Variants in NME8 observed in about 807,000 individuals in gnomAD.
NME8 encodes the protein protein NME8.
In NME8, 72 loss-of-function variants were observed where a neutral mutation model predicts 82.3. The observed-to-expected ratio is 0.87, with a 90% CI of 0.72 to 1.06. NME8 has a LOEUF of 1.06. Ranked by LOEUF, NME8 falls within the 50% of genes least tolerant of loss-of-function variation. The pLI is 0.00. For synonymous variants in NME8, 267 were observed against 228.5 expected (o/e 1.17, Z -1.52); for missense variants, 712 against 685.4 (o/e 1.04, Z -0.43).
rs866906346 is a variant in NME8, at chr7:37,867,868, C to T, written c.788C>T (p.Thr263Ile). 4 of 1,613,714 alleles carry T rather than the reference C, an allele frequency of 2.5e-6. No individual in the cohort carries two copies. The highest frequency in any genetic ancestry group is 1.3e-5 in the African/African-American group (1 of 75,020). ...CAACCTGAGGTCGAAGCCCAGGTTA[C>T]ACCTGGAATGATGAAGAACAAACAA... ...EDQPEVEAQV[T>I]PGMMKNKQDS... The change falls in exon 11 of 18, where the codon ACA becomes ATA. Residue 263 changes from threonine (T) to isoleucine (I), a missense_variant. Transcript: ENST00000199447.
chr7:37,865,136 A>G (rs1010992752), intron 9 of NME8, among the ~76,000 whole-genome samples: 5 of 152,210 alleles, frequency 3.3e-5, no homozygotes, highest in African/African-American at 4.8e-5. Context: ...TCATTTCAGC[A>G]TTAACTCAAA....
At chr7:37,864,622 T>G (rs958508197) in intron 9 of NME8, among the ~76,000 whole-genome samples, 1 of 152,158 alleles carries the variant, frequency 6.6e-6, no homozygotes, top group Admixed American at 6.6e-5. Flanking sequence ...GATCCTACTC[T>G]ACCAGCATCC....
intron 15 of NME8, among the ~76,000 whole-genome samples, chr7:37,890,066 TG>T (rs1173889048): frequency 6.6e-6 from 1 of 152,060 alleles, no homozygotes; most frequent in African/African-American, 2.4e-5. Context: ...TTTAATGCCT[TG>T]GGGCCTGAAT....
At chr7:37,887,841 G>A (rs1226381899) in intron 14 of NME8, among the ~76,000 whole-genome samples, 3 of 152,156 alleles carry the variant, frequency 2.0e-5, no homozygotes, top group South Asian at 4.1e-4. Flanking sequence ...GTAATACCAG[G>A]TGCTTGTAAA....
At chr7:37,884,241 T>G in intron 12 of NME8, 62 bp from the exon 13 acceptor site, 1 of 1,130,198 alleles carries the variant, frequency 8.8e-7, no homozygotes. Context: ...GTATATTATG[T>G]ATTGTGTACA....
At chr7:37,865,380 C>CA (rs1670722914) in intron 9 of NME8, 145 bp from the exon 10 acceptor site, 1 of 659,522 alleles carries the variant, frequency 1.5e-6, no homozygotes, top group African/African-American at 1.8e-5. Flanking sequence ...TGAGCCACTT[C>CA]AAACCAAGTG....
chr7:37,879,181 C>T (rs1283232580), intron 12 of NME8, among the ~76,000 whole-genome samples: 1 of 151,870 alleles, frequency 6.6e-6, no homozygotes, highest in Non-Finnish European at 1.5e-5. Flanking sequence ...TGGAGTCTTG[C>T]TCTGTCACCC....
intron 11 of NME8, among the ~76,000 whole-genome samples, chr7:37,873,911 T>C (rs1175218202): frequency 6.6e-6 from 1 of 152,192 alleles, no homozygotes; most frequent in African/African-American, 2.4e-5. Flanking sequence ...GTGGATCCCT[T>C]CCACCAACTG....
At chr7:37,875,255 A>G (rs1211840777) in intron 11 of NME8, among the ~76,000 whole-genome samples, 2 of 152,218 alleles carry the variant, frequency 1.3e-5, no homozygotes, top group African/African-American at 2.4e-5. Flanking sequence ...AAAAATTACT[A>G]CAGATAAGAT....
At chr7:37,879,283 T>G (rs1839586) in intron 12 of NME8, among the ~76,000 whole-genome samples, 71,896 of 151,870 alleles carry the variant, frequency 0.47, 17,382 homozygotes, top group East Asian at 0.74. Flanking sequence ...CAAGTAGCTG[T>G]GATTACAGGT....
intron 17 of NME8, among the ~76,000 whole-genome samples, chr7:37,899,348 G>T (rs187946237): frequency 1.8e-4 from 27 of 152,330 alleles, no homozygotes; most frequent in Non-Finnish European, 1.3e-4. Context: ...ATACTATGCA[G>T]CCATAAAAGG....
At chr7:37,853,690 G>T (rs965383215) in intron 5 of NME8, among the ~76,000 whole-genome samples, 3 of 152,012 alleles carry the variant, frequency 2.0e-5, no homozygotes, top group Non-Finnish European at 2.9e-5. Context: ...AGCAATGGAG[G>T]GATGCCCTCT....
intron 5 of NME8, among the ~76,000 whole-genome samples, chr7:37,851,684 T>C (rs1167735299): frequency 6.6e-6 from 1 of 152,096 alleles, no homozygotes; most frequent in African/African-American, 2.4e-5. Flanking sequence ...TTTTTAAATG[T>C]CCCTACTGGA....
chr7:37,850,636 T>C lies in NME8; in HGVS notation c.99T>C (p.Asp33=), dbSNP rs540938955. Residue 33 remains aspartate (D), a synonymous_variant, in exon 5 of 18, where the codon GAT becomes GAC. Transcript: ENST00000199447. ...AATATCATCATCTTCTAGTGATTGA[T>C]GTTTACCAAGCCTGGTGTGGACCTT... ...MLQNKGLTVI[D]VYQAWCGPCR... is the part of the protein sequence containing the mutation. The C allele has an allele frequency of 2.5e-6, 4 of 1,606,998 alleles. No homozygotes were observed. In the South Asian group the frequency reaches 3.3e-5, roughly 13 times the overall value.
intron 17 of NME8, among the ~76,000 whole-genome samples, chr7:37,897,353 G>A (rs1168831125): frequency 6.6e-6 from 1 of 152,042 alleles, no homozygotes; most frequent in Admixed American, 6.6e-5. Flanking sequence ...CAGGCTGGAG[G>A]GATGGAGACA....
At position 37,884,325 on chromosome 7, in the gene NME8, A is replaced by C. The variant is rs1239221772; in HGVS notation, c.1017A>C (p.Lys339Asn). The C allele has an allele frequency of 6.3e-7, 1 of 1,591,802 alleles. No individual in the cohort carries two copies. Among genetic ancestry groups the C allele is most frequent in the African/African-American group, 1.3e-5 (1 of 74,598 alleles). ...TAGATGATGTTTTGCGTATTATTAA[A>C]GATGAAGACTTCAAAATACTGGAGC... ...ERKDDVLRII[K>N]DEDFKILEQR... The change falls in exon 13 of 18, where the codon AAA (lysine) becomes AAC (asparagine). Residue 339 changes from lysine to asparagine, a missense_variant. Physicochemically the swap from Lys to Asn is moderately conservative, Grantham distance 94 (BLOSUM62 0). Coordinates refer to ENST00000199447, the MANE Select transcript of NME8 (RefSeq NM_016616.5).
In NME8 at chr7:37,896,932, T is replaced by C; in HGVS notation, c.1607T>C (p.Met536Thr). Residue 536 changes from methionine (M) to threonine (T), a missense_variant, in exon 17 of 18, where the codon ATG becomes ACG. Met to Thr is a moderately conservative substitution (Grantham distance 81). Transcript: ENST00000199447. Reference protein sequence around the residue: ...WNAVAEWRRLMGPTDPEEAKL... With the variant: ...WNAVAEWRRLTGPTDPEEAKL... ...GCTGTTGCAGAATGGAGACGATTGATGGGCCCAACAGACCCAGAAGAAGCA... is the reference window on the plus strand; with the variant it reads ...GCTGTTGCAGAATGGAGACGATTGACGGGCCCAACAGACCCAGAAGAAGCA... 6.2e-7 allele frequency: 1 copy of C among 1,613,880 alleles called. No individual in the cohort carries two copies. Among genetic ancestry groups the C allele is most frequent in the Non-Finnish European group, 8.5e-7 (1 of 1,179,882 alleles).
chr7:37,886,849 CAAGGTGATAAGGCAAAAA>C (rs1785048071), intron 14 of NME8, among the ~76,000 whole-genome samples: 1 of 144,936 alleles, frequency 6.9e-6, no homozygotes, highest in South Asian at 2.2e-4. Flanking sequence ...ATGGAAAGGT[CAAGGTGATAAGGCAAAAA>C]AAAAACAAAA....
At chr7:37,878,091 T>A (rs1009641470) in intron 12 of NME8, among the ~76,000 whole-genome samples, 10 of 152,232 alleles carry the variant, frequency 6.6e-5, no homozygotes, top group Admixed American at 3.3e-4. Context: ...CTTTTACCAC[T>A]AAGTATGTTA....
Sources: allele counts gnomAD v4.1 joint callset (sites outside exome capture counted in the v4.1 genomes callset), GRCh38; gene constraint gnomAD v4.1.1; transcripts MANE v1.5; gene names NCBI Gene and HGNC (gene_info 2026-07-23, HGNC 2026-07-21).